The following SLIT3 variants were observed in gnomAD, a reference collection of about 807,000 sequenced individuals.
SLIT3 encodes slit homolog 3 protein.
SLIT3 carries 68 observed loss-of-function variants against 184.0 expected under a neutral mutation model. That is an observed-to-expected ratio of 0.37 (90% CI 0.30 to 0.45). The LOEUF (loss-of-function observed/expected upper bound fraction) is 0.45. Among genes scored for constraint, SLIT3 ranks in the 20% least tolerant of loss-of-function variants. The pLI is 1.00. For synonymous variants in SLIT3, 831 were observed against 828.6 expected (o/e 1.00, Z -0.05); for missense variants, 1,707 against 2,026.0 (o/e 0.84, Z 3.02).
At chr5:168,841,003 A>G (rs956654841) in intron 6 of SLIT3, among the ~76,000 whole-genome samples, 7 of 152,234 alleles carry the variant, frequency 4.6e-5, no homozygotes, top group African/African-American at 1.7e-4. Flanking sequence ...TGGCAGGGCC[A>G]ATTTCACAAG....
At chr5:168,985,232 A>G (rs549487137) in intron 4 of SLIT3, among the ~76,000 whole-genome samples, 1 of 152,190 alleles carries the variant, frequency 6.6e-6, no homozygotes, top group East Asian at 1.9e-4. Context: ...TTTTTCCACA[A>G]CTAGCCCAGG....
At position 168,696,348 on chromosome 5, in the gene SLIT3, G is replaced by T; in HGVS notation, c.3026C>A (p.Ala1009Asp). Reference protein sequence around the residue: ...DCEDNDCENNATCVDGINNYV... With the variant: ...DCEDNDCENNDTCVDGINNYV... ...GTTGTTGATCCCGTCCACGCAGGTG[G>T]CATTGTTTTCGCAGTCGTTGTCCTC... is the stretch of plus-strand genomic sequence containing the variant. The change falls in exon 28 of 36, where the codon GCC (alanine) becomes GAC (aspartate). Residue 1009 changes from alanine to aspartate, a missense_variant. Coordinates refer to ENST00000519560, the MANE Select transcript of SLIT3 (RefSeq NM_003062.4). 1 of 1,614,184 alleles carries T rather than the reference G, an allele frequency of 6.2e-7. No individual in the cohort carries two copies. Among genetic ancestry groups the T allele is most frequent in the South Asian group, 1.1e-5 (1 of 91,088 alleles).
intron 8 of SLIT3, among the ~76,000 whole-genome samples, chr5:168,817,056 A>C (rs1299979873): frequency 2.6e-5 from 4 of 152,204 alleles, no homozygotes; most frequent in African/African-American, 9.7e-5. Flanking sequence ...CTAGGGGCTG[A>C]AAAAGTAGTT....
At chr5:169,037,112 C>T (rs1288167079) in intron 4 of SLIT3, among the ~76,000 whole-genome samples, 1 of 140,698 alleles carries the variant, frequency 7.1e-6, no homozygotes. Flanking sequence ...TCCATCGTGC[C>T]TATTCATGTA....
chr5:169,242,455 T>G (rs1378031371), intron 3 of SLIT3, among the ~76,000 whole-genome samples: 8 of 152,216 alleles, frequency 5.3e-5, no homozygotes, highest in Admixed American at 5.2e-4. Flanking sequence ...CCAAAGTATG[T>G]GAGACTGGAA....
chr5:169,098,846 T>C (rs1281532376), intron 4 of SLIT3, among the ~76,000 whole-genome samples: 2 of 152,310 alleles, frequency 1.3e-5, no homozygotes, highest in South Asian at 2.1e-4. Context: ...GGAGCATTCC[T>C]TGAGAAGCCG....
intron 4 of SLIT3, among the ~76,000 whole-genome samples, chr5:169,033,375 T>C (rs1757112997): frequency 6.6e-6 from 1 of 152,188 alleles, no homozygotes; most frequent in Non-Finnish European, 1.5e-5. Flanking sequence ...GTTGCCTATG[T>C]TCACTGTCAC....
chr5:168,776,643 T>G (rs1179455408), intron 12 of SLIT3, among the ~76,000 whole-genome samples: 2 of 152,198 alleles, frequency 1.3e-5, no homozygotes, highest in East Asian at 3.9e-4. Context: ...TATCGGTCTA[T>G]ACTCTTTGCA....
At chr5:168,975,532 C>T (rs565962444) in intron 4 of SLIT3, among the ~76,000 whole-genome samples, 1 of 152,088 alleles carries the variant, frequency 6.6e-6, no homozygotes, top group Middle Eastern at 3.4e-3. Context: ...CACATGGGCA[C>T]GTATCTATAT....
chr5:169,183,673 A>C (rs1027992010), intron 4 of SLIT3, among the ~76,000 whole-genome samples: 1 of 152,218 alleles, frequency 6.6e-6, no homozygotes, highest in Non-Finnish European at 1.5e-5. Flanking sequence ...ACCAAAGAAA[A>C]TACTAAATCC....
At chr5:168,991,924 T>A (rs1755345525) in intron 4 of SLIT3, among the ~76,000 whole-genome samples, 1 of 152,240 alleles carries the variant, frequency 6.6e-6, no homozygotes. Flanking sequence ...GCAGACCCTT[T>A]CAGGGCCGGA....
Position 169,212,797 on chromosome 5 carries a change from CT to C in SLIT3, c.342-19248del, listed in dbSNP as rs1166710837. On this transcript the variant is annotated intron_variant, in intron 3 of 35. Coordinates refer to ENST00000519560, the MANE Select transcript of SLIT3 (RefSeq NM_003062.4). ...AATCCATCTTAATTTTTGCTTAAGT[CT>C]TTAATCCATCTTAATTTTTGTCTAA... Among the ~76,000 whole-genome samples the C allele has an allele frequency of 3.5e-4, 54 of 152,216 alleles. 1 individual carries two copies. Among genetic ancestry groups the C allele is most frequent in the Middle Eastern group, 3.4e-3 (1 of 294 alleles).
chr5:169,207,907 C>G (rs998682675), intron 3 of SLIT3, among the ~76,000 whole-genome samples: 1 of 152,202 alleles, frequency 6.6e-6, no homozygotes, highest in African/African-American at 2.4e-5. Flanking sequence ...GGGTCCTCAC[C>G]AGACACCAAG....
chr5:169,139,199 T>G (rs1386032740), intron 4 of SLIT3, among the ~76,000 whole-genome samples: 1 of 152,212 alleles, frequency 6.6e-6, no homozygotes, highest in Non-Finnish European at 1.5e-5. Context: ...AAGACTTTCT[T>G]GTGTACCTAG....
intron 4 of SLIT3, among the ~76,000 whole-genome samples, chr5:169,054,201 T>C (rs1757908855): frequency 7.4e-6 from 1 of 135,474 alleles, no homozygotes; most frequent in Non-Finnish European, 1.5e-5. Context: ...AAATGCCATA[T>C]GAAGAGAGAG....
intron 4 of SLIT3, among the ~76,000 whole-genome samples, chr5:168,929,537 C>T (rs1306253187): frequency 6.6e-6 from 1 of 152,176 alleles, no homozygotes; most frequent in East Asian, 1.9e-4. Context: ...GCTCTGGAAT[C>T]AAGGCCAGCA....
At position 168,789,561 on chromosome 5, in the gene SLIT3, G is replaced by A; in HGVS notation, c.1078C>T (p.Leu360=). ...GGCCCCAACTCGGGCCCCACTTACA[G>A]CGATGTGAGTGATTTCAGGCCCTGG... The part of the protein sequence containing the change: ...AFQGLKSLTS[L]VLYGNKITEI... The change falls in exon 11 of 36, where the codon CTG becomes TTG. Residue 360 remains leucine (L), a splice_region_variant and synonymous_variant. Coordinates refer to ENST00000519560, the MANE Select transcript of SLIT3 (RefSeq NM_003062.4). 1.9e-6 allele frequency: 3 copies of A among 1,611,882 alleles called. No individual in the cohort carries two copies. Among genetic ancestry groups the A allele is most frequent in the Non-Finnish European group, 2.5e-6 (3 of 1,178,678 alleles).
At chr5:168,874,240 C>T (rs1759648920) in intron 5 of SLIT3, among the ~76,000 whole-genome samples, 1 of 152,120 alleles carries the variant, frequency 6.6e-6, no homozygotes, top group South Asian at 2.1e-4. Context: ...AAATAATAGT[C>T]TCCATTATCC....
At chr5:169,126,466 G>C (rs1361782529) in intron 4 of SLIT3, among the ~76,000 whole-genome samples, 1 of 152,188 alleles carries the variant, frequency 6.6e-6, no homozygotes, top group African/African-American at 2.4e-5. Context: ...AACAAAAGAA[G>C]TCAGCATAAG....
Sources: gnomAD v4.1 joint callset for allele counts (sites outside exome capture counted in the v4.1 genomes callset) on GRCh38, gnomAD v4.1.1 for gene constraint, MANE v1.5 for transcripts, NCBI Gene and HGNC (gene_info 2026-07-23, HGNC 2026-07-21) for gene names.